The following SLIT2 variants were observed in gnomAD, a reference collection of about 807,000 sequenced individuals.
The protein encoded by SLIT2 is slit guidance ligand 2.
In SLIT2, 41 loss-of-function variants were observed where a neutral mutation model predicts 185.7. The observed-to-expected ratio is 0.22, with a 90% CI of 0.17 to 0.29. The LOEUF (loss-of-function observed/expected upper bound fraction) is 0.29, where lower values mean the gene tolerates loss of function less well. Ranked by LOEUF, SLIT2 falls within the 10% of genes least tolerant of loss-of-function variation. The pLI, the probability that SLIT2 is intolerant of heterozygous loss-of-function variation, is 1.00. For synonymous variants in SLIT2, 693 were observed against 680.2 expected (o/e 1.02, Z -0.29); for missense variants, 1,571 against 1,909.0 (o/e 0.82, Z 3.30).
At chr4:20,564,331 A>G (rs1444537259) in intron 26 of SLIT2, among the ~76,000 whole-genome samples, 7 of 151,142 alleles carry the variant, frequency 4.6e-5, no homozygotes, top group Admixed American at 1.3e-4. Context: ...TCAAGAGATT[A>G]GACTATAGAA....
At chr4:20,616,106 C>T (rs1003281300) in intron 34 of SLIT2, 11 of 152,172 alleles carry the variant, frequency 7.2e-5, no homozygotes, top group African/African-American at 2.7e-4. Flanking sequence ...ATTTTTATTT[C>T]TGATTTCTTG....
chr4:20,470,083 G>A (rs890592778), intron 5 of SLIT2, among the ~76,000 whole-genome samples: 1 of 152,050 alleles, frequency 6.6e-6, no homozygotes, highest in African/African-American at 2.4e-5. Context: ...GTAAACAATA[G>A]TTATTTGGGT....
chr4:20,334,995 A>G (rs1720376199), intron 4 of SLIT2, among the ~76,000 whole-genome samples: 1 of 152,198 alleles, frequency 6.6e-6, no homozygotes, highest in South Asian at 2.1e-4. Context: ...CAGTGTCATC[A>G]CCAGTTAAAT....
intron 33 of SLIT2, among the ~76,000 whole-genome samples, chr4:20,602,552 C>A (rs1728489533): frequency 6.6e-6 from 1 of 152,148 alleles, no homozygotes; most frequent in Non-Finnish European, 1.5e-5. Context: ...ATTGGAATCA[C>A]CTGAAAAACA....
chr4:20,431,378 T>C (rs1728961609), intron 4 of SLIT2, among the ~76,000 whole-genome samples: 1 of 152,052 alleles, frequency 6.6e-6, no homozygotes, highest in Admixed American at 6.6e-5. Flanking sequence ...TAAATATTTG[T>C]GTTTTATTTT....
At chr4:20,408,056 C>T (rs1448657926) in intron 4 of SLIT2, among the ~76,000 whole-genome samples, 1 of 152,156 alleles carries the variant, frequency 6.6e-6, no homozygotes, top group East Asian at 1.9e-4. Flanking sequence ...GTTATCTCCA[C>T]CTGCATCAAA....
rs1722235143 is a variant in SLIT2 at position 20,253,873 on chromosome 4, C to T, written c.58C>T (p.Leu20=). The T allele has an allele frequency of 6.2e-7, 1 of 1,600,942 alleles. No homozygotes were observed. The highest frequency in any genetic ancestry group is 1.1e-5 in the South Asian group (1 of 91,072). ...SLSLGLVLAI[L]NKVAPQACPA... ...GTCGCTGGGGTTAGTGCTGGCGATC[C>T]TGAACAAGGTGGCACCGCAGGCGTG... The change falls in exon 1 of 37, where the codon CTG becomes TTG. Residue 20 remains leucine (L), a synonymous_variant. Coordinates refer to ENST00000504154, the MANE Select transcript of SLIT2 (RefSeq NM_004787.4).
intron 29 of SLIT2, among the ~76,000 whole-genome samples, chr4:20,577,244 CCTT>C (rs1726152297): frequency 1.3e-5 from 2 of 152,244 alleles, no homozygotes; most frequent in South Asian, 4.2e-4. Flanking sequence ...GAAAAACACT[CCTT>C]CTGAATATGG....
intron 4 of SLIT2, among the ~76,000 whole-genome samples, chr4:20,301,108 T>C (rs1224539723): frequency 6.6e-6 from 1 of 152,162 alleles, no homozygotes; most frequent in African/African-American, 2.4e-5. Flanking sequence ...TTTTCTCATA[T>C]ATTCAATGAG....
intron 19 of SLIT2, among the ~76,000 whole-genome samples, chr4:20,539,815 T>A (rs1322670839): frequency 2.0e-5 from 3 of 152,202 alleles, no homozygotes; most frequent in Non-Finnish European, 4.4e-5. Context: ...TTATTTTTCA[T>A]AGTGATATGA....
At position 20,254,034 on chromosome 4, in the gene SLIT2, G is replaced by A. The variant is rs1288531661; in HGVS notation, c.179+40G>A. ...TTCGTCTTCCCCTCTCCCCATCCGG[G>A]CCGCGCACCCCTGCCTCCACTGGAG... On this transcript the variant is annotated intron_variant, in intron 1 of 36. Coordinates refer to ENST00000504154, the MANE Select transcript of SLIT2 (RefSeq NM_004787.4). The surrounding 1 kb of genome is among the most constrained non-coding windows in gnomAD (Gnocchi z 5.1). The A allele has an allele frequency of 6.3e-7, 1 of 1,576,616 alleles. No individual in the cohort carries two copies. Among genetic ancestry groups the A allele is most frequent in the Non-Finnish European group, 8.6e-7 (1 of 1,162,770 alleles).
rs116575763 is a variant in SLIT2 at position 20,357,684 on chromosome 4, G to A, written c.395+88803G>A. On this transcript the variant is annotated intron_variant, in intron 4 of 36. Transcript: ENST00000504154. ...GGATGTGAAAAGAAAGACAAAATCC[G>A]TGATGTTTGAAAGACATACTATTAT... is the stretch of plus-strand genomic sequence containing the variant. Among the ~76,000 whole-genome samples, 8 of 152,160 alleles carry A rather than the reference G, an allele frequency of 5.3e-5. No individual in the cohort carries two copies. In the East Asian group the frequency reaches 7.7e-4, roughly 15 times the overall value.
At position 20,417,436 on chromosome 4, in the gene SLIT2, G is replaced by GTGTATATATATATATATATATATATA. The variant is rs1553898364; in HGVS notation, c.396-50315_396-50314insGTATATATATATATATATATATATAT. Among the ~76,000 whole-genome samples, 488 of 123,602 alleles carry GTGTATATATATATATATATATATATA rather than the reference G, an allele frequency of 3.9e-3. 12 individuals carry two copies. Among genetic ancestry groups the GTGTATATATATATATATATATATATA allele is most frequent in the Non-Finnish European group, 6.5e-3 (367 of 56,708 alleles). 81.1% of individuals were successfully genotyped at this position (123,602 alleles called of 152,430 possible). A position where few individuals can be genotyped will look rare whatever the true frequency, so the allele number is the denominator to read the frequency against. ...CGCAATCATATATATATGTGTGTGT[G>GTGTATATATATATATATATATATATA]TATATATATATATATATATATACGT... On this transcript the variant is annotated intron_variant, in intron 4 of 36. Coordinates refer to ENST00000504154, the MANE Select transcript of SLIT2 (RefSeq NM_004787.4).
chr4:20,607,566 C>G (rs1728884340), intron 33 of SLIT2, among the ~76,000 whole-genome samples: 1 of 151,956 alleles, frequency 6.6e-6, no homozygotes, highest in South Asian at 2.1e-4. Context: ...GAGCAATAAG[C>G]AAAGTGAGTT....
intron 4 of SLIT2, among the ~76,000 whole-genome samples, chr4:20,435,081 G>C (rs1194734483): frequency 6.6e-6 from 1 of 152,078 alleles, no homozygotes; most frequent in South Asian, 2.1e-4. Context: ...AAAATAAAAA[G>C]TTTTTTTGCT....
chr4:20,443,477 T>G (rs1320314571), intron 4 of SLIT2, among the ~76,000 whole-genome samples: 1 of 151,634 alleles, frequency 6.6e-6, no homozygotes, highest in Non-Finnish European at 1.5e-5. Context: ...CAGATAACTT[T>G]TAGCTCAGGG....
At chr4:20,346,316 A>C (rs6447955) in intron 4 of SLIT2, among the ~76,000 whole-genome samples, 1 of 152,044 alleles carries the variant, frequency 6.6e-6, no homozygotes, top group African/African-American at 2.4e-5. Flanking sequence ...TTTTGGACCA[A>C]ATAATTCTTG....
At chr4:20,269,583 A>G (rs957732502) in intron 4 of SLIT2, among the ~76,000 whole-genome samples, 8 of 152,018 alleles carry the variant, frequency 5.3e-5, no homozygotes, top group African/African-American at 1.9e-4. Context: ...ATTTTCAGCC[A>G]TATGAAATGA....
chr4:20,279,875 ATAT>A (rs1714548285), intron 4 of SLIT2, among the ~76,000 whole-genome samples: 1 of 152,162 alleles, frequency 6.6e-6, no homozygotes, highest in Non-Finnish European at 1.5e-5. Context: ...TTCCTGTCTT[ATAT>A]TTGTCCTTGT....
Sources: allele counts gnomAD v4.1 joint callset (sites outside exome capture counted in the v4.1 genomes callset), GRCh38; gene constraint gnomAD v4.1.1; non-coding constraint Gnocchi (gnomAD v3.1); transcripts MANE v1.5; gene names NCBI Gene and HGNC (gene_info 2026-07-23, HGNC 2026-07-21).